URB2: variants seen among roughly 807,000 people sequenced by gnomAD.
URB2 encodes URB2 ribosome biogenesis homolog.
In URB2, 86 loss-of-function variants were observed where a neutral mutation model predicts 120.9. That is an observed-to-expected ratio of 0.71 (90% CI 0.60 to 0.85). URB2 has a LOEUF of 0.85. Ranked by LOEUF, URB2 falls within the 40% of genes least tolerant of loss-of-function variation. URB2 has a pLI of 0.00. For synonymous variants in URB2, 755 were observed against 758.4 expected (o/e 1.00, Z 0.07); for missense variants, 1,765 against 1,836.5 (o/e 0.96, Z 0.71).
chr1:229,626,761 T>C (rs752176979), intron 1 of URB2, among the ~76,000 whole-genome samples: 47 of 152,260 alleles, frequency 3.1e-4, no homozygotes, highest in Non-Finnish European at 5.4e-4. Context: ...ACACCTGTTA[T>C]GCACTTTGTA....
chr1:229,652,885 G>A (rs1204805310), intron 8 of URB2, among the ~76,000 whole-genome samples: 2 of 152,236 alleles, frequency 1.3e-5, no homozygotes, highest in Admixed American at 6.5e-5. Flanking sequence ...TCTGTGCTGT[G>A]TTCATGTGAA....
intron 7 of URB2, among the ~76,000 whole-genome samples, chr1:229,648,463 T>G (rs1666202432): frequency 6.6e-6 from 1 of 152,234 alleles, no homozygotes; most frequent in Non-Finnish European, 1.5e-5. Context: ...ATATAGGGAA[T>G]GAAGCATCCT....
intron 2 of URB2, among the ~76,000 whole-genome samples, chr1:229,628,177 A>T (rs990253853): frequency 4.1e-4 from 38 of 92,336 alleles, no homozygotes; most frequent in African/African-American, 1.5e-3. Context: ...GTATATATGT[A>T]TATAATATAT....
rs1291298618 is a variant in URB2 at position 229,654,311 on chromosome 1, C to T, written c.4300C>T (p.His1434Tyr). The T allele has an allele frequency of 1.1e-5, 17 of 1,614,026 alleles. No homozygotes were observed. Among genetic ancestry groups the T allele is most frequent in the Non-Finnish European group, 1.4e-5 (17 of 1,180,034 alleles). The change falls in exon 9 of 10, where the codon CAC (histidine) becomes TAC (tyrosine). Residue 1434 changes from histidine (H) to tyrosine (Y), a missense_variant. Coordinates refer to ENST00000258243, the MANE Select transcript of URB2 (RefSeq NM_014777.4). ...CARLVERMYSHIAARAEEFAV... is the reference protein window; with the variant it reads ...CARLVERMYSYIAARAEEFAV... ...ACGCCTGGTTGAAAGAATGTACAGCCACATCGCCGCACGAGCTGAGGAGTT... is the reference window on the plus strand; with the variant it reads ...ACGCCTGGTTGAAAGAATGTACAGCTACATCGCCGCACGAGCTGAGGAGTT...
chr1:229,634,070 G>A (rs1245468505), intron 3 of URB2, among the ~76,000 whole-genome samples: 3 of 152,116 alleles, frequency 2.0e-5, no homozygotes, highest in Admixed American at 1.3e-4. Context: ...GGCCTCAAGT[G>A]ATCCGCCCCG....
chr1:229,645,375 A>G (rs541940254), intron 5 of URB2, among the ~76,000 whole-genome samples: 5 of 152,050 alleles, frequency 3.3e-5, no homozygotes, highest in Non-Finnish European at 7.4e-5. Flanking sequence ...ATTGGGTCAT[A>G]TTGCCCTCAT....
chr1:229,627,951 T>C (rs1252904204), intron 2 of URB2, among the ~76,000 whole-genome samples, 192 bp downstream of exon 2: 1 of 151,268 alleles, frequency 6.6e-6, no homozygotes, highest in African/African-American at 2.4e-5. Flanking sequence ...TTTTTTTTTC[T>C]GTTAAAAAAC....
chr1:229,655,747 A>G (rs1489407615), intron 9 of URB2, among the ~76,000 whole-genome samples: 5 of 152,162 alleles, frequency 3.3e-5, no homozygotes, highest in Admixed American at 1.3e-4. Flanking sequence ...ATTGTGTTCA[A>G]TCTCTCTGTA....
At chr1:229,643,918 A>C (rs1314999939) in intron 5 of URB2, among the ~76,000 whole-genome samples, 1 of 152,268 alleles carries the variant, frequency 6.6e-6, no homozygotes, top group Non-Finnish European at 1.5e-5. Context: ...TCAAATAACA[A>C]ATGTGTTGTC....
chr1:229,632,153 C>A, intron 2 of URB2, 116 bp from the exon 3 acceptor site: 2 of 777,750 alleles, frequency 2.6e-6, no homozygotes. Flanking sequence ...GAGAGGTTCT[C>A]CCCCGCCGCC....
At position 229,637,147 on chromosome 1, in the gene URB2, A is replaced by G. The variant is rs745547316; in HGVS notation, c.2534A>G (p.Asp845Gly). The part of the protein sequence containing the change: ...SQQLPWLFEK[D>G]HMVVGHWENR... ...CAGCTTCCCTGGCTTTTTGAAAAGG[A>G]CCACATGGTTGTGGGTCATTGGGAA... is the stretch of plus-strand genomic sequence containing the variant. Residue 845 changes from aspartate (D) to glycine (G), a missense_variant, in exon 4 of 10, where the codon GAC (aspartate) becomes GGC (glycine). By Grantham distance (94) the Asp-to-Gly change is moderately conservative (BLOSUM62 -1). Coordinates refer to ENST00000258243, the MANE Select transcript of URB2 (RefSeq NM_014777.4). The G allele has an allele frequency of 2.4e-5, 39 of 1,613,374 alleles. No individual in the cohort carries two copies. The highest frequency in any genetic ancestry group is 3.3e-5 in the Non-Finnish European group (39 of 1,179,626).
chr1:229,652,859 A>T (rs1666313070), intron 8 of URB2, among the ~76,000 whole-genome samples: 1 of 152,256 alleles, frequency 6.6e-6, no homozygotes, highest in Non-Finnish European at 1.5e-5. Flanking sequence ...ACAGGAGCAC[A>T]TCACACTTCT....
Position 229,635,356 on chromosome 1 carries a change from C to T in URB2, c.743C>T (p.Pro248Leu). ...ATGTTCCGAGGAGGGATTTTTCAGC[C>T]TGAGCTACTGTCATCCTACAAGGAG... Reference protein sequence around the residue: ...EAMFRGGIFQPELLSSYKEGL... With the variant: ...EAMFRGGIFQLELLSSYKEGL... The change falls in exon 4 of 10, where the codon CCT becomes CTT. Residue 248 changes from proline (P) to leucine (L), a missense_variant. Coordinates refer to ENST00000258243, the MANE Select transcript of URB2 (RefSeq NM_014777.4). 1 of 1,614,136 alleles carries T rather than the reference C, an allele frequency of 6.2e-7. No homozygotes were observed. Among genetic ancestry groups the T allele is most frequent in the Non-Finnish European group, 8.5e-7 (1 of 1,179,994 alleles).
chr1:229,654,515 C>T (rs374436168), intron 9 of URB2, 127 bp downstream of exon 9: 3 of 1,368,330 alleles, frequency 2.2e-6, no homozygotes, highest in African/African-American at 1.4e-5. Context: ...AAGTTTTAGA[C>T]AGGGTTTTGC....
At position 229,637,377 on chromosome 1, in the gene URB2, C is replaced by T. The variant is rs1665868777; in HGVS notation, c.2764C>T (p.Leu922=). The T allele has an allele frequency of 1.2e-6, 2 of 1,614,126 alleles. No individual in the cohort carries two copies. Among genetic ancestry groups the T allele is most frequent in the Admixed American group, 1.7e-5 (1 of 60,012 alleles). The part of the protein sequence containing the change: ...PYHVHYFLVL[L]SMAVTKLGCS... Reference sequence around the variant, plus strand: ...TCATGTGCATTATTTTCTTGTGTTACTGTCCATGGCCGTCACCAAACTAGG... The same window carrying T: ...TCATGTGCATTATTTTCTTGTGTTATTGTCCATGGCCGTCACCAAACTAGG... The change falls in exon 4 of 10, where the codon CTG becomes TTG. Residue 922 remains leucine, a synonymous_variant. Transcript: ENST00000258243.
intron 3 of URB2, among the ~76,000 whole-genome samples, chr1:229,634,457 G>A (rs1051122924): frequency 1.3e-5 from 2 of 152,100 alleles, no homozygotes; most frequent in African/African-American, 4.8e-5. Context: ...CGCCTGCCTC[G>A]GCCTCTCAAA....
Position 229,636,199 on chromosome 1 carries a change from T to TG in URB2, c.1587dup (p.Gln530AlafsTer3), listed in dbSNP as rs1665808815. 6.2e-7 allele frequency: 1 copy of TG among 1,613,532 alleles called. No individual in the cohort carries two copies. ...TTCCAGTCTTTAGTCTTGCCCTATT[T>TG]GCAGAGTGATGCCGACATGGCCCTG... On this transcript the variant is annotated frameshift_variant, in exon 4 of 10. Coordinates refer to ENST00000258243, the MANE Select transcript of URB2 (RefSeq NM_014777.4). LOFTEE classifies it high-confidence loss of function.
At chr1:229,650,237 T>C (rs570869384) in intron 7 of URB2, among the ~76,000 whole-genome samples, 1 of 152,336 alleles carries the variant, frequency 6.6e-6, no homozygotes, top group South Asian at 2.1e-4. Flanking sequence ...TGGTCACCAC[T>C]GGCCACAGCT....
intron 3 of URB2, 40 bp downstream of exon 3, chr1:229,632,485 C>T (rs769989172): frequency 2.0e-6 from 3 of 1,466,844 alleles, no homozygotes; most frequent in South Asian, 3.1e-5. Flanking sequence ...GCATGCATCT[C>T]CATTGATTTC....
Sources: allele counts gnomAD v4.1 joint callset (sites outside exome capture counted in the v4.1 genomes callset), GRCh38; gene constraint gnomAD v4.1.1; transcripts MANE v1.5; gene names NCBI Gene and HGNC (gene_info 2026-07-23, HGNC 2026-07-21).